Variants in STS observed in about 807,000 individuals in gnomAD.
STS encodes the protein steroid sulfatase.
A neutral mutation model predicts 26.8 loss-of-function variants in STS; 7 were observed. The ratio of observed to expected loss-of-function variants is 0.26; its 90% CI spans 0.15 to 0.49. The LOEUF is 0.49. Ranked by LOEUF, STS falls within the 20% of genes least tolerant of loss-of-function variation. STS has a pLI of 0.98. For synonymous variants in STS, 199 were observed against 189.4 expected (o/e 1.05, Z -0.42); for missense variants, 434 against 465.6 (o/e 0.93, Z 0.63).
intron 6 of STS, among the ~76,000 whole-genome samples, chrX:7,264,044 A>G (rs1354953929): frequency 2.7e-5 from 3 of 111,750 alleles, no homozygotes; most frequent in Non-Finnish European, 5.6e-5. Flanking sequence ...GTAAGACATG[A>G]GCTATTTGTC....
intron 7 of STS, among the ~76,000 whole-genome samples, chrX:7,303,962 C>T (rs1178959038): frequency 2.7e-5 from 3 of 111,954 alleles, no homozygotes; most frequent in African/African-American, 9.7e-5. Flanking sequence ...TTTATTCTCG[C>T]CCTGCATTCT....
chrX:7,236,840 C>T (rs193207397), intron 2 of STS, among the ~76,000 whole-genome samples: 57 of 105,611 alleles, frequency 5.4e-4, no homozygotes, highest in African/African-American at 1.8e-3. Context: ...ATTAGGTATG[C>T]GAATGAAAGT....
chrX:7,349,316 CTTTTTTTTTTTTTTTTTTTTTT>C (rs1178578773), intron 10 of STS, among the ~76,000 whole-genome samples: 34 of 52,887 alleles, frequency 6.4e-4, no homozygotes, highest in Non-Finnish European at 8.9e-4. Context: ...CATTTAATTC[CTTTTTTTTTTTTTTTTTTTTTT>C]TTTTTTTTTT....
At chrX:7,330,765 G>A (rs1362034486) in intron 9 of STS, among the ~76,000 whole-genome samples, 1 of 112,311 alleles carries the variant, frequency 8.9e-6, no homozygotes, top group Non-Finnish European at 1.9e-5. Context: ...AAGTTTGTGT[G>A]TGTAACCACT....
intron 8 of STS, among the ~76,000 whole-genome samples, chrX:7,324,835 A>G (rs1927315841): frequency 9.0e-6 from 1 of 111,713 alleles, no homozygotes; most frequent in South Asian, 3.8e-4. Flanking sequence ...ATTATATTAG[A>G]TCCACTCAGA....
chrX:7,149,023 GT>G (rs1446981285), intron 1 of STS, among the ~76,000 whole-genome samples: 3 of 110,400 alleles, frequency 2.7e-5, no homozygotes, highest in African/African-American at 9.9e-5. Context: ...CGTTTATGTG[GT>G]ATATTCACGT....
chrX:7,203,634 A>G (rs1397980951), intron 2 of STS, among the ~76,000 whole-genome samples: 1 of 111,984 alleles, frequency 8.9e-6, no homozygotes, highest in African/African-American at 3.2e-5. Context: ...ATATACAAGA[A>G]TTTATAAAGA....
intron 2 of STS, among the ~76,000 whole-genome samples, chrX:7,197,748 A>G (rs1337370638): frequency 9.0e-6 from 1 of 111,465 alleles, no homozygotes; most frequent in African/African-American, 3.3e-5. Context: ...GTAAACATCT[A>G]GAGGCTAGGA....
rs980679522 is a variant in STS at position 7,349,727 on chromosome X, T to A, written c.1364-161T>A. Among the ~76,000 whole-genome samples the A allele has an allele frequency of 2.7e-5, 3 of 111,815 alleles. No individual in the cohort carries two copies. The Admixed American group carries it at 2.9e-4, about 11-fold the overall frequency. Reference sequence around the variant, plus strand: ...GTGTGTGTGGGCGTCTATGTGTGGCTTCATAATCTTTCCTGTACATATTAA... The same window carrying A: ...GTGTGTGTGGGCGTCTATGTGTGGCATCATAATCTTTCCTGTACATATTAA... On this transcript the variant is annotated intron_variant, in intron 10 of 10. Coordinates refer to ENST00000674429, the MANE Select transcript of STS (RefSeq NM_001320752.2).
At chrX:7,198,462 G>A (rs1252540184) in intron 2 of STS, among the ~76,000 whole-genome samples, 1 of 111,230 alleles carries the variant, frequency 9.0e-6, no homozygotes, top group Non-Finnish European at 1.9e-5. Flanking sequence ...AACTGGGGAG[G>A]TTGAGAATCT....
At chrX:7,270,484 T>C (rs1352531566) in intron 6 of STS, among the ~76,000 whole-genome samples, 2 of 111,996 alleles carry the variant, frequency 1.8e-5, no homozygotes, top group African/African-American at 6.5e-5. Context: ...CATGCACCGT[T>C]GATTTCACTT....
At chrX:7,314,029 T>C (rs62584271) in intron 8 of STS, among the ~76,000 whole-genome samples, 6,850 of 110,775 alleles carry the variant, frequency 0.062, 226 homozygotes, top group Non-Finnish European at 0.092. Flanking sequence ...GAAATACTTA[T>C]GGGGAGCGAA....
chrX:7,341,319 C>T (rs1474111654), intron 10 of STS, among the ~76,000 whole-genome samples: 2 of 111,569 alleles, frequency 1.8e-5, no homozygotes, highest in Non-Finnish European at 3.8e-5. Flanking sequence ...ACTGAGTCCA[C>T]GATTCATCCA....
intron 2 of STS, among the ~76,000 whole-genome samples, chrX:7,240,177 T>C (rs1486415106): frequency 2.7e-5 from 3 of 109,779 alleles, no homozygotes; most frequent in Non-Finnish European, 3.8e-5. Context: ...CAGCCTTAAG[T>C]GGCTCTTAAC....
chrX:7,351,603 T>A lies in STS; in HGVS notation c.*1342T>A, dbSNP rs189607299. 69 of 111,997 alleles carry A rather than the reference T, an allele frequency of 6.2e-4. 1 individual carries two copies. Among genetic ancestry groups the A allele is most frequent in the Non-Finnish European group, 4.7e-4 (25 of 53,212 alleles). The allele number at this position is 111,997 out of a possible 1,213,427, so 9.2% of individuals were successfully genotyped here. A position where few individuals can be genotyped will look rare whatever the true frequency, so the allele number is the denominator to read the frequency against. Reference sequence around the variant, plus strand: ...CCAACAATGTGATTGGATTCCTTTATGGCAAAATCGAGAGAAGCTGCCATC... The same window carrying A: ...CCAACAATGTGATTGGATTCCTTTAAGGCAAAATCGAGAGAAGCTGCCATC... On this transcript the variant is annotated 3_prime_UTR_variant, in exon 11 of 11. Transcript: ENST00000674429.
chrX:7,200,090 C>T (rs1404676946), intron 2 of STS, among the ~76,000 whole-genome samples: 2 of 105,097 alleles, frequency 1.9e-5, no homozygotes, highest in East Asian at 6.0e-4. Flanking sequence ...CTGTTGTGTA[C>T]TTTATTTCAA....
intron 6 of STS, among the ~76,000 whole-genome samples, chrX:7,267,426 T>C (rs764780120): frequency 5.3e-5 from 6 of 112,189 alleles, no homozygotes; most frequent in Non-Finnish European, 9.4e-5. Context: ...CTTTTTTCTT[T>C]AGTTCAAGTC....
chrX:7,240,531 G>GTATATA (rs760692656), intron 2 of STS, among the ~76,000 whole-genome samples: 23 of 57,692 alleles, frequency 4.0e-4, no homozygotes, highest in African/African-American at 1.6e-3. Flanking sequence ...GTGTGTGTGT[G>GTATATA]TGTATATATA....
chrX:7,330,498 A>G (rs1927696530), intron 9 of STS, among the ~76,000 whole-genome samples: 1 of 112,696 alleles, frequency 8.9e-6, no homozygotes, highest in African/African-American at 3.2e-5. Flanking sequence ...CTTGTGGTCC[A>G]TAATTAAAAC....
Sources: gnomAD v4.1 joint callset for allele counts (sites outside exome capture counted in the v4.1 genomes callset) on GRCh38, gnomAD v4.1.1 for gene constraint, MANE v1.5 for transcripts, NCBI Gene and HGNC (gene_info 2026-07-23, HGNC 2026-07-21) for gene names.